ZNF786: variants seen among roughly 807,000 people sequenced by gnomAD.
The protein encoded by ZNF786 is zinc finger protein 786.
ZNF786 carries 56 observed loss-of-function variants against 63.1 expected under a neutral mutation model. The ratio of observed to expected loss-of-function variants is 0.89; its 90% CI spans 0.72 to 1.11. The LOEUF (loss-of-function observed/expected upper bound fraction) is 1.11, where lower values mean the gene tolerates loss of function less well. Among genes scored for constraint, ZNF786 ranks in the 50% least tolerant of loss-of-function variants. The probability of loss-of-function intolerance (pLI) is 0.00; values close to 1 mark genes in which losing one functional copy is unlikely to be tolerated. For missense variants in ZNF786, 1,213 were observed against 1,041.8 expected (o/e 1.16, Z -2.26); for synonymous variants, 485 against 406.9 (o/e 1.19, Z -2.31).
In ZNF786 at chr7:149,072,216, G is replaced by A; in HGVS notation, c.556C>T (p.Gln186Ter). 6.2e-7 allele frequency: 1 copy of A among 1,613,584 alleles called. No individual in the cohort carries two copies. Among genetic ancestry groups the A allele is most frequent in the Non-Finnish European group, 8.5e-7 (1 of 1,179,798 alleles). The change falls in exon 4 of 4, where the codon CAG becomes TAG. Residue 186 changes from glutamine to a stop codon, truncating the protein, a stop_gained. Coordinates refer to ENST00000491431, the MANE Select transcript of ZNF786 (RefSeq NM_152411.4). LOFTEE classifies it high-confidence loss of function. Reference protein sequence around the residue: ...LWDVPAWESTQHPWPVCGESC... With the variant: ...LWDVPAWEST ...TCCCCGCAGACAGGCCAAGGGTGCTGGGTGCTCTCCCAGGCGGGGACGTCC... is the reference window on the plus strand; with the variant it reads ...TCCCCGCAGACAGGCCAAGGGTGCTAGGTGCTCTCCCAGGCGGGGACGTCC...
At chr7:149,075,683 T>TTTTG (rs3084469) in intron 2 of ZNF786, among the ~76,000 whole-genome samples, 1 of 131,868 alleles carries the variant, frequency 7.6e-6, no homozygotes, top group East Asian at 2.4e-4. Flanking sequence ...TTTTTTTTTT[T>TTTTG]GATAGAGTCT....
intron 1 of ZNF786, among the ~76,000 whole-genome samples, chr7:149,083,072 A>G (rs894404343): frequency 4.7e-5 from 7 of 149,892 alleles, no homozygotes; most frequent in African/African-American, 1.2e-4. Flanking sequence ...ATTTTTTTGT[A>G]TTTTTAGTAG....
At position 149,090,666 on chromosome 7, in the gene ZNF786, G is replaced by T; in HGVS notation, c.-26C>A. Reference sequence around the variant, plus strand: ...GGTCCCCGCGGTCCCGCCCGGCCCTGGCAAACCCGACCGTCTCCGGCGGCT... The same window carrying T: ...GGTCCCCGCGGTCCCGCCCGGCCCTTGCAAACCCGACCGTCTCCGGCGGCT... On this transcript the variant is annotated 5_prime_UTR_variant, in exon 1 of 4. Coordinates refer to ENST00000491431, the MANE Select transcript of ZNF786 (RefSeq NM_152411.4). 6.3e-7 allele frequency: 1 copy of T among 1,579,318 alleles called. No homozygotes were observed. The highest frequency in any genetic ancestry group is 8.6e-7 in the Non-Finnish European group (1 of 1,161,532).
chr7:149,085,940 C>T (rs904070998), intron 1 of ZNF786, among the ~76,000 whole-genome samples: 5 of 152,128 alleles, frequency 3.3e-5, no homozygotes, highest in African/African-American at 1.2e-4. Flanking sequence ...TTTGTATTCT[C>T]AGACTTTGCT....
chr7:149,070,891 G>C lies in ZNF786; in HGVS notation c.1881C>G (p.Asp627Glu). The change falls in exon 4 of 4, where the codon GAC becomes GAG. Residue 627 changes from aspartate to glutamate, a missense_variant. Asp to Glu is a conservative substitution (Grantham distance 45). Transcript: ENST00000491431. ...TGTCGGCCTTCACGCGATAGCGCTT[G>C]TCGCACTCCGGACACTGGAAGGGCC... ...GERPFQCPEC[D>E]KRYRVKADMK... The C allele has an allele frequency of 6.2e-7, 1 of 1,613,780 alleles. No homozygotes were observed. The highest frequency in any genetic ancestry group is 8.5e-7 in the Non-Finnish European group (1 of 1,180,004).
Position 149,072,061 on chromosome 7 carries a change from C to T in ZNF786, c.711G>A (p.Gln237=), listed in dbSNP as rs902333038. The change falls in exon 4 of 4, where the codon CAG becomes CAA. Residue 237 remains glutamine (Q), a synonymous_variant. Transcript: ENST00000491431. ...CGCACACGCCACACCGGAAGTGCCT[C>T]TGTACCCGAGGGCTGCTCCACGGCA... The part of the protein sequence containing the change: ...TQMPWSSPRV[Q]RHFRCGVCGK... 5 of 1,613,264 alleles carry T rather than the reference C, an allele frequency of 3.1e-6. No individual in the cohort carries two copies. Among genetic ancestry groups the T allele is most frequent in the Non-Finnish European group, 4.2e-6 (5 of 1,179,742 alleles).
In ZNF786 at chr7:149,071,910, G is replaced by A. The variant is rs768926931; in HGVS notation, c.862C>T (p.Leu288Phe). 5.0e-6 allele frequency: 8 copies of A among 1,605,642 alleles called. No homozygotes were observed. The South Asian group carries it at 7.7e-5, about 15-fold the overall frequency. Residue 288 changes from leucine to phenylalanine, a missense_variant, in exon 4 of 4, where the codon CTC becomes TTC. Physicochemically the swap from Leu to Phe is conservative, Grantham distance 22 (BLOSUM62 0). Coordinates refer to ENST00000491431, the MANE Select transcript of ZNF786 (RefSeq NM_152411.4). ...RHELTHPSHR[L>F]PQQGEKPAQC... is the part of the protein sequence containing the mutation. Reference sequence around the variant, plus strand: ...GCAGGCTTCTCCCCCTGCTGCGGGAGGCGGTGGCTGGGATGGGTCAGCTCG... The same window carrying A: ...GCAGGCTTCTCCCCCTGCTGCGGGAAGCGGTGGCTGGGATGGGTCAGCTCG...
chr7:149,070,464 GC>G lies in ZNF786; in HGVS notation c.2307del (p.Arg769SerfsTer8). ...TCTATCATTGCAAACAGTTGGCTGAGCCTTTTCTTAATGTCCAGTTCATTTG... is the reference window on the plus strand; with the variant it reads ...TCTATCATTGCAAACAGTTGGCTGAGCTTTTCTTAATGTCCAGTTCATTTG... Reference protein sequence around the residue: ...PAPNELDIKKRLSQLFAMIEA... With the variant: ...PAPNELDIKKXLSQLFAMIEA... On this transcript the variant is annotated frameshift_variant, in exon 4 of 4. Coordinates refer to ENST00000491431, the MANE Select transcript of ZNF786 (RefSeq NM_152411.4). LOFTEE classifies it high-confidence loss of function. 6.2e-7 allele frequency: 1 copy of G among 1,614,006 alleles called. No individual in the cohort carries two copies. The highest frequency in any genetic ancestry group is 8.5e-7 in the Non-Finnish European group (1 of 1,179,882).
rs987526870 is a variant in ZNF786 at position 149,069,838 on chromosome 7, G to C, written c.*585C>G. 2 of 152,936 alleles carry C rather than the reference G, an allele frequency of 1.3e-5. No homozygotes were observed. Among genetic ancestry groups the C allele is most frequent in the African/African-American group, 4.8e-5 (2 of 41,326 alleles). The allele number at this position is 152,936 out of a possible 1,614,324, so 9.5% of individuals were successfully genotyped here. ...AGGGTTTTGCCATGTTGCCCAAGCTGGTCTCAAACTCCTTGGCTCGTGATC... is the reference window on the plus strand; with the variant it reads ...AGGGTTTTGCCATGTTGCCCAAGCTCGTCTCAAACTCCTTGGCTCGTGATC... On this transcript the variant is annotated 3_prime_UTR_variant, in exon 4 of 4. Transcript: ENST00000491431.
intron 1 of ZNF786, among the ~76,000 whole-genome samples, chr7:149,088,405 A>C (rs1325662737): frequency 5.3e-5 from 8 of 152,218 alleles, no homozygotes; most frequent in African/African-American, 1.4e-4. Flanking sequence ...ATCACTGATT[A>C]AAGTTTGAGT....
In ZNF786 at chr7:149,090,660, G is replaced by A. The variant is rs778479329; in HGVS notation, c.-20C>T. ...CGCCATGGTCCCCGCGGTCCCGCCC[G>A]GCCCTGGCAAACCCGACCGTCTCCG... On this transcript the variant is annotated 5_prime_UTR_variant, in exon 1 of 4. Coordinates refer to ENST00000491431, the MANE Select transcript of ZNF786 (RefSeq NM_152411.4). The A allele has an allele frequency of 1.8e-5, 28 of 1,582,008 alleles. No individual in the cohort carries two copies. Among genetic ancestry groups the A allele is most frequent in the East Asian group, 1.2e-4 (5 of 42,638 alleles).
At chr7:149,087,855 A>G (rs1254425961) in intron 1 of ZNF786, among the ~76,000 whole-genome samples, 1 of 151,364 alleles carries the variant, frequency 6.6e-6, no homozygotes, top group Non-Finnish European at 1.5e-5. Context: ...AGTGGTGCCA[A>G]CACAGCTTAC....
chr7:149,075,585 A>C (rs1374712105), intron 2 of ZNF786, among the ~76,000 whole-genome samples: 1 of 151,586 alleles, frequency 6.6e-6, no homozygotes, highest in East Asian at 1.9e-4. Flanking sequence ...CACATGGAGA[A>C]GGAGAAAAAT....
intron 1 of ZNF786, among the ~76,000 whole-genome samples, chr7:149,083,657 C>G (rs1008399022): frequency 6.6e-6 from 1 of 152,094 alleles, no homozygotes. Context: ...GCATAGTACC[C>G]GATAAGGAAT....
intron 1 of ZNF786, among the ~76,000 whole-genome samples, chr7:149,088,821 T>G (rs1278603968): frequency 6.6e-6 from 1 of 152,226 alleles, no homozygotes; most frequent in Non-Finnish European, 1.5e-5. Flanking sequence ...ATAAATAATA[T>G]GGGAACTTTC....
chr7:149,086,459 C>A (rs1825739117), intron 1 of ZNF786, among the ~76,000 whole-genome samples: 1 of 152,120 alleles, frequency 6.6e-6, no homozygotes, highest in African/African-American at 2.4e-5. Flanking sequence ...TAAACCCTGT[C>A]CCTACTAAAA....
chr7:149,081,492 TG>T (rs1825653688), intron 1 of ZNF786, among the ~76,000 whole-genome samples: 1 of 148,380 alleles, frequency 6.7e-6, no homozygotes, highest in Non-Finnish European at 1.5e-5. Context: ...TAGGTATTAG[TG>T]CTTTTACTTC....
chr7:149,071,825 C>A lies in ZNF786; in HGVS notation c.947G>T (p.Cys316Phe). ...GGCCGGCCCCTCCCGGCTGTGCTGG[C>A]ACCGGCGAGCCTGCGTGCTGTCCAC... Reference protein sequence around the residue: ...LPVDSTQARRCQHSREGPASW... With the variant: ...LPVDSTQARRFQHSREGPASW... The change falls in exon 4 of 4, where the codon TGC becomes TTC. Residue 316 changes from cysteine (C) to phenylalanine (F), a missense_variant. By Grantham distance (205) the Cys-to-Phe change is radical (BLOSUM62 -2). Coordinates refer to ENST00000491431, the MANE Select transcript of ZNF786 (RefSeq NM_152411.4). 6.3e-7 allele frequency: 1 copy of A among 1,590,292 alleles called. No homozygotes were observed. The highest frequency in any genetic ancestry group is 1.1e-5 in the South Asian group (1 of 90,220).
rs2129513977 is a variant in ZNF786, at chr7:149,072,376, A to T, written c.396T>A (p.Pro132=). The change falls in exon 4 of 4, where the codon CCT becomes CCA. Residue 132 remains proline (P), a synonymous_variant. Transcript: ENST00000491431. The part of the protein sequence containing the change: ...CSFGSFVSFR[P]DQGITLGSPQ... Reference sequence around the variant, plus strand: ...GGCTCCCGAGGGTGATGCCTTGGTCAGGCCTGAAGGAAACAAAGGATCCAA... The same window carrying T: ...GGCTCCCGAGGGTGATGCCTTGGTCTGGCCTGAAGGAAACAAAGGATCCAA... 6.2e-7 allele frequency: 1 copy of T among 1,613,328 alleles called. No homozygotes were observed. Among genetic ancestry groups the T allele is most frequent in the East Asian group, 2.2e-5 (1 of 44,866 alleles).
Sources: gnomAD v4.1 joint callset for allele counts (sites outside exome capture counted in the v4.1 genomes callset) on GRCh38, gnomAD v4.1.1 for gene constraint, MANE v1.5 for transcripts, NCBI Gene and HGNC (gene_info 2026-07-23, HGNC 2026-07-21) for gene names.